The following ATP11A variants were observed in gnomAD, a reference collection of about 807,000 sequenced individuals.
ATP11A encodes ATPase phospholipid transporting 11A.
Under a neutral mutation model 154.4 loss-of-function variants are expected in ATP11A, and 81 were observed. The ratio of observed to expected loss-of-function variants is 0.52; its 90% CI spans 0.44 to 0.63. ATP11A has a LOEUF of 0.63. Ranked by LOEUF, ATP11A falls within the 30% of genes least tolerant of loss-of-function variation. The pLI, the probability that ATP11A is intolerant of heterozygous loss-of-function variation, is 0.00. For missense variants in ATP11A, 1,316 were observed against 1,474.3 expected (o/e 0.89, Z 1.76); for synonymous variants, 623 against 585.9 (o/e 1.06, Z -0.91).
intron 5 of ATP11A, among the ~76,000 whole-genome samples, 163 bp from the exon 6 acceptor site, chr13:112,815,920 G>C (rs2078633653): frequency 6.6e-6 from 1 of 152,128 alleles, no homozygotes; most frequent in African/African-American, 2.4e-5. Flanking sequence ...GTCTTTCCTT[G>C]GTCCCAGCAG....
intron 1 of ATP11A, among the ~76,000 whole-genome samples, chr13:112,779,532 C>T (rs911046331): frequency 2.6e-5 from 4 of 152,300 alleles, no homozygotes; most frequent in African/African-American, 4.8e-5. Flanking sequence ...GTTTTCACTT[C>T]CTCGGAGATT....
intron 1 of ATP11A, among the ~76,000 whole-genome samples, chr13:112,725,722 G>A (rs1375053777): frequency 6.6e-6 from 1 of 152,266 alleles, no homozygotes; most frequent in Non-Finnish European, 1.5e-5. Flanking sequence ...CATCCCTGGA[G>A]TTCCTTGGAC....
chr13:112,762,407 T>C (rs936324425), intron 1 of ATP11A, among the ~76,000 whole-genome samples: 6 of 152,152 alleles, frequency 3.9e-5, no homozygotes, highest in Non-Finnish European at 8.8e-5. Flanking sequence ...AGCAGCAGCC[T>C]GCAGGCCTTT....
chr13:112,758,434 T>C (rs1265333019), intron 1 of ATP11A, among the ~76,000 whole-genome samples: 1 of 150,384 alleles, frequency 6.6e-6, no homozygotes, highest in Non-Finnish European at 1.5e-5. Context: ...TTTTTTTCTT[T>C]TTTTTTTGAG....
intron 1 of ATP11A, among the ~76,000 whole-genome samples, chr13:112,758,218 T>C (rs542402019): frequency 1.3e-5 from 2 of 151,970 alleles, no homozygotes; most frequent in African/African-American, 4.8e-5. Flanking sequence ...CGCACCACCA[T>C]GCCTGGCTAG....
chr13:112,851,208 G>A lies in ATP11A; in HGVS notation c.1981G>A (p.Val661Ile). 1 of 1,613,050 alleles carries A rather than the reference G, an allele frequency of 6.2e-7. No individual in the cohort carries two copies. Among genetic ancestry groups the A allele is most frequent in the South Asian group, 1.1e-5 (1 of 91,056 alleles). ...KDLTLLGATA[V>I]EDRLQEKAAD... is the part of the protein sequence containing the mutation. Reference sequence around the variant, plus strand: ...TCTTACTCTGCTTGGTGCTACAGCTGTTGAGGACCGGTAAAGTAAACGCAT... The same window carrying A: ...TCTTACTCTGCTTGGTGCTACAGCTATTGAGGACCGGTAAAGTAAACGCAT... Residue 661 changes from valine to isoleucine, a missense_variant, in exon 18 of 30, where the codon GTT (valine) becomes ATT (isoleucine). Val to Ile is a conservative substitution (Grantham distance 29, BLOSUM62 3). Coordinates refer to ENST00000375645, the MANE Select transcript of ATP11A (RefSeq NM_015205.3).
At chr13:112,825,184 CCTCT>C (rs969656311) in intron 10 of ATP11A, among the ~76,000 whole-genome samples, 1 of 152,120 alleles carries the variant, frequency 6.6e-6, no homozygotes, top group African/African-American at 2.4e-5. Flanking sequence ...TGTGAGCAGC[CCTCT>C]CTCTCCTGCT....
chr13:112,724,565 G>C (rs1395635317), intron 1 of ATP11A, among the ~76,000 whole-genome samples: 1 of 152,026 alleles, frequency 6.6e-6, no homozygotes, highest in Non-Finnish European at 1.5e-5. Context: ...TCTCATCACT[G>C]CTTGGGGGTC....
rs186437332 is a variant in ATP11A at position 112,787,778 on chromosome 13, C to T, written c.162+2521C>T. ...CTGTGGAGACCTACTTAATTCACAC[C>T]GGTGTCCTGACGTGTAAACCCCTGT... On this transcript the variant is annotated intron_variant, in intron 2 of 29. Transcript: ENST00000375645. Among the ~76,000 whole-genome samples the T allele has an allele frequency of 8.6e-3, 907 of 105,748 alleles. 24 individuals carry two copies. In the East Asian group the frequency reaches 0.096, roughly 11 times the overall value. 69.4% of individuals were successfully genotyped at this position (105,748 alleles called of 152,430 possible).
At chr13:112,767,810 T>C (rs2077131832) in intron 1 of ATP11A, among the ~76,000 whole-genome samples, 1 of 152,088 alleles carries the variant, frequency 6.6e-6, no homozygotes, top group African/African-American at 2.4e-5. Flanking sequence ...GCGTCTGTGG[T>C]GGTGGGCTTG....
At chr13:112,762,169 C>A (rs1473108005) in intron 1 of ATP11A, among the ~76,000 whole-genome samples, 2 of 152,202 alleles carry the variant, frequency 1.3e-5, no homozygotes, top group Non-Finnish European at 2.9e-5. Flanking sequence ...CAGCTAACTG[C>A]AGACCTCCCA....
rs552249141 is a variant in ATP11A at position 112,836,940 on chromosome 13, G to A, written c.1705+689G>A. Among the ~76,000 whole-genome samples, 47 of 152,314 alleles carry A rather than the reference G, an allele frequency of 3.1e-4. No individual in the cohort carries two copies. In the South Asian group the frequency reaches 6.6e-3, roughly 21 times the overall value. On this transcript the variant is annotated intron_variant, in intron 16 of 29. Transcript: ENST00000375645. ...ATCTGTGGTCCCCTGACCTCCCTGC[G>A]AGGAGCTCTCCCAGGCACTTTGCAT...
chr13:112,800,225 A>G (rs866708401), intron 2 of ATP11A, among the ~76,000 whole-genome samples: 1 of 152,262 alleles, frequency 6.6e-6, no homozygotes, highest in Non-Finnish European at 1.5e-5. Context: ...TGAAAAAAAA[A>G]AATCAATAAA....
chr13:112,752,882 C>T (rs886575825), intron 1 of ATP11A, among the ~76,000 whole-genome samples: 4 of 152,182 alleles, frequency 2.6e-5, no homozygotes, highest in African/African-American at 7.2e-5. Context: ...GAGTGGCTTC[C>T]GCCTGGCCTC....
chr13:112,775,118 G>A (rs996854580), intron 1 of ATP11A, among the ~76,000 whole-genome samples: 6 of 152,278 alleles, frequency 3.9e-5, no homozygotes, highest in African/African-American at 1.4e-4. Context: ...AGCTAACAGC[G>A]TTTGGTGGGA....
At chr13:112,782,019 G>A (rs1387407489) in intron 1 of ATP11A, among the ~76,000 whole-genome samples, 5 of 152,242 alleles carry the variant, frequency 3.3e-5, no homozygotes, top group African/African-American at 1.2e-4. Flanking sequence ...AAGGCCCACT[G>A]CATGTTGGCA....
At chr13:112,700,374 G>C (rs1252344426) in intron 1 of ATP11A, among the ~76,000 whole-genome samples, 1 of 152,178 alleles carries the variant, frequency 6.6e-6, no homozygotes, top group Non-Finnish European at 1.5e-5. Context: ...GCTCCAGAGA[G>C]AGAAGGGGCT....
chr13:112,719,346 C>T (rs1376990955), intron 1 of ATP11A, among the ~76,000 whole-genome samples: 1 of 152,210 alleles, frequency 6.6e-6, no homozygotes, highest in Admixed American at 6.5e-5. Flanking sequence ...TATATTCTCA[C>T]GTAATCTTCA....
At chr13:112,828,877 A>C (rs2079017932) in intron 12 of ATP11A, among the ~76,000 whole-genome samples, 1 of 152,222 alleles carries the variant, frequency 6.6e-6, no homozygotes, top group South Asian at 2.1e-4. Context: ...GTCGCTGTGC[A>C]GTACGATAAC....
Sources: gnomAD v4.1 joint callset for allele counts (sites outside exome capture counted in the v4.1 genomes callset) on GRCh38, gnomAD v4.1.1 for gene constraint, MANE v1.5 for transcripts, NCBI Gene and HGNC (gene_info 2026-07-23, HGNC 2026-07-21) for gene names.